BRWD1: variants seen among roughly 807,000 people sequenced by gnomAD.
BRWD1 encodes the protein bromodomain and WD repeat domain containing 1.
BRWD1 carries 82 observed loss-of-function variants against 251.2 expected under a neutral mutation model. The observed-to-expected ratio is 0.33, with a 90% CI of 0.27 to 0.39. BRWD1 has a LOEUF of 0.39. BRWD1 is among the 10% of genes least tolerant of loss of function. The pLI is 1.00. For missense variants in BRWD1, 2,233 were observed against 2,711.6 expected (o/e 0.82, Z 3.92); for synonymous variants, 918 against 902.8 (o/e 1.02, Z -0.30).
At chr21:39,290,037 AAAG>A (rs1398853412) in intron 8 of BRWD1, among the ~76,000 whole-genome samples, 3 of 150,946 alleles carry the variant, frequency 2.0e-5, no homozygotes, top group African/African-American at 7.3e-5. Flanking sequence ...AAAAAAAAAA[AAAG>A]AAGCTAGCAA....
At chr21:39,285,575 C>T (rs964400537) in intron 8 of BRWD1, among the ~76,000 whole-genome samples, 1 of 152,142 alleles carries the variant, frequency 6.6e-6, no homozygotes, top group Non-Finnish European at 1.5e-5. Context: ...AAACATCACA[C>T]TGTATTCTTT....
At chr21:39,318,132 A>G (rs576805798), upstream of BRWD1, among the ~76,000 whole-genome samples, 5 of 152,270 alleles carry the variant, frequency 3.3e-5, no homozygotes, top group Admixed American at 6.5e-5. Context: ...CTGTCTGTGA[A>G]TGAGAGGAAA....
Position 39,285,330 on chromosome 21 carries a change from A to AG in BRWD1, c.832-5083dup, listed in dbSNP as rs935853713. On this transcript the variant is annotated intron_variant, in intron 8 of 40. Coordinates refer to ENST00000342449, the MANE Select transcript of BRWD1 (RefSeq NM_033656.4). ...ACCTATGGCTGGGGAGTATGGGGGAAGGGGGGGACCATGAGAAGTTGTTTC... is the reference window on the plus strand; with the variant it reads ...ACCTATGGCTGGGGAGTATGGGGGAAGGGGGGGGACCATGAGAAGTTGTTTC... Among the ~76,000 whole-genome samples the AG allele has an allele frequency of 4.6e-5, 7 of 152,074 alleles. 1 individual carries two copies. Among genetic ancestry groups the AG allele is most frequent in the Admixed American group, 2.0e-4 (3 of 15,246 alleles).
intron 4 of BRWD1, among the ~76,000 whole-genome samples, chr21:39,307,786 C>A (rs1258288341): frequency 6.6e-6 from 1 of 152,146 alleles, no homozygotes; most frequent in African/African-American, 2.4e-5. Flanking sequence ...GAAACTAATC[C>A]CATTATCATT....
intron 20 of BRWD1, among the ~76,000 whole-genome samples, chr21:39,249,969 CAT>C (rs2034341414): frequency 1.3e-5 from 2 of 150,122 alleles, no homozygotes; most frequent in South Asian, 4.2e-4. Flanking sequence ...TACACACACA[CAT>C]AGATATATAT....
intron 36 of BRWD1, among the ~76,000 whole-genome samples, chr21:39,207,107 A>T (rs1456443190): frequency 6.6e-6 from 1 of 152,178 alleles, no homozygotes; most frequent in East Asian, 1.9e-4. Flanking sequence ...ATCTGAAATG[A>T]TCTTTGACAG....
intron 9 of BRWD1, among the ~76,000 whole-genome samples, chr21:39,279,327 G>A (rs979763275): frequency 2.6e-5 from 4 of 152,114 alleles, no homozygotes; most frequent in East Asian, 3.9e-4. Flanking sequence ...TCACATACTC[G>A]TTATTCAAGA....
upstream of BRWD1, chr21:39,313,947 G>A (rs1447680076): frequency 2.9e-5 from 10 of 340,766 alleles, no homozygotes; most frequent in South Asian, 1.7e-4. Flanking sequence ...GGCGGGTGCC[G>A]GGGGCGGAAG....
At position 39,309,299 on chromosome 21, in the gene BRWD1, A is replaced by T. The variant is rs948679433; in HGVS notation, c.198+3542T>A. Among the ~76,000 whole-genome samples, 120 of 151,164 alleles carry T rather than the reference A, an allele frequency of 7.9e-4. 1 individual carries two copies. The highest frequency in any genetic ancestry group is 1.1e-3 in the Non-Finnish European group (76 of 67,744). ...CTTTTTCTCTAGGGGAAAAAAAAAA[A>T]ACTTAGCCAGGTGTGGTGGCACATG... On this transcript the variant is annotated intron_variant, in intron 4 of 40. Transcript: ENST00000342449.
At chr21:39,234,969 G>A (rs978215541) in intron 23 of BRWD1, among the ~76,000 whole-genome samples, 1 of 152,174 alleles carries the variant, frequency 6.6e-6, no homozygotes, top group East Asian at 1.9e-4. Flanking sequence ...TTACAGCAAT[G>A]GCCAGGCACA....
intron 7 of BRWD1, 141 bp from the exon 8 acceptor site, chr21:39,294,173 A>G: frequency 1.4e-6 from 1 of 706,304 alleles, no homozygotes; most frequent in East Asian, 2.7e-5. Flanking sequence ...ATAAATTATG[A>G]CTATGGTCAG....
intron 8 of BRWD1, among the ~76,000 whole-genome samples, chr21:39,282,568 A>T (rs765136195): frequency 6.6e-6 from 1 of 152,206 alleles, no homozygotes; most frequent in East Asian, 1.9e-4. Flanking sequence ...TTTAAAAAAA[A>T]TTTAAACACC....
At chr21:39,304,588 T>C (rs555419465) in intron 4 of BRWD1, among the ~76,000 whole-genome samples, 1 of 149,740 alleles carries the variant, frequency 6.7e-6, no homozygotes, top group Admixed American at 6.7e-5. Context: ...CACTCCACCC[T>C]GGGCAACAAA....
At position 39,218,198 on chromosome 21, in the gene BRWD1, T is replaced by C; in HGVS notation, c.3613A>G (p.Thr1205Ala). Residue 1205 changes from threonine (T) to alanine (A), a missense_variant, in exon 31 of 41, where the codon ACC becomes GCC. Physicochemically the swap from Thr to Ala is moderately conservative, Grantham distance 58 (BLOSUM62 0). This residue lies in a region of BRWD1 where 167 missense variants were observed against 183.2 expected (regional missense o/e 0.91). Coordinates refer to ENST00000342449, the MANE Select transcript of BRWD1 (RefSeq NM_033656.4). ...PKYCTVVAYP[T>A]DLYTIRMRLV... is the part of the protein sequence containing the mutation. Reference sequence around the variant, plus strand: ...CTCATTCGAATTGTGTAAAGATCGGTTGGATAAGCTACTACAGTACAGTAC... The same window carrying C: ...CTCATTCGAATTGTGTAAAGATCGGCTGGATAAGCTACTACAGTACAGTAC... 1.2e-6 allele frequency: 2 copies of C among 1,612,128 alleles called. No individual in the cohort carries two copies. The highest frequency in any genetic ancestry group is 1.7e-6 in the Non-Finnish European group (2 of 1,179,568).
chr21:39,191,711 A>T lies in BRWD1; in HGVS notation c.*4548T>A, dbSNP rs2031564511. On this transcript the variant is annotated 3_prime_UTR_variant, in exon 41 of 41. Coordinates refer to ENST00000342449, the MANE Select transcript of BRWD1 (RefSeq NM_033656.4). ...AAAAAGGTAATTTTTAAAATGATTT[A>T]CCTTGTAAAACAAAGGGGTAGAGCT... 2 of 985,306 alleles carry T rather than the reference A, an allele frequency of 2.0e-6. No individual in the cohort carries two copies. The highest frequency in any genetic ancestry group is 3.5e-5 in the African/African-American group (2 of 57,334). The allele number at this position is 985,306 out of a possible 1,614,324, so 61.0% of individuals were successfully genotyped here.
chr21:39,279,731 T>C (rs2035398242), intron 9 of BRWD1, among the ~76,000 whole-genome samples: 1 of 152,004 alleles, frequency 6.6e-6, no homozygotes, highest in Admixed American at 6.6e-5. Context: ...GTTTTAAATT[T>C]AAATTATCAA....
intron 10 of BRWD1, among the ~76,000 whole-genome samples, chr21:39,277,691 G>A (rs1302292226): frequency 2.6e-5 from 4 of 152,028 alleles, no homozygotes; most frequent in South Asian, 2.1e-4. Flanking sequence ...AGCCTGCTGA[G>A]TAGCTGGGAT....
intron 37 of BRWD1, among the ~76,000 whole-genome samples, chr21:39,204,582 C>T (rs1222240043): frequency 2.0e-5 from 3 of 152,128 alleles, no homozygotes; most frequent in Non-Finnish European, 4.4e-5. Context: ...TACATTTTCC[C>T]TTACACAATC....
chr21:39,272,836 T>A (rs879782849), intron 13 of BRWD1, among the ~76,000 whole-genome samples: 42 of 152,100 alleles, frequency 2.8e-4, no homozygotes, highest in Non-Finnish European at 5.0e-4. Flanking sequence ...AGTCTCGATA[T>A]CCTGACCTCA....
Sources: allele counts gnomAD v4.1 joint callset (sites outside exome capture counted in the v4.1 genomes callset), GRCh38; gene constraint gnomAD v4.1.1; regional missense constraint gnomAD v4.1.1; transcripts MANE v1.5; gene names NCBI Gene and HGNC (gene_info 2026-07-23, HGNC 2026-07-21).